ROCK2: variants seen among roughly 807,000 people sequenced by gnomAD.
The protein encoded by ROCK2 is rho-associated protein kinase 2.
Under a neutral mutation model 195.1 loss-of-function variants are expected in ROCK2, and 61 were observed. The observed-to-expected ratio is 0.31, with a 90% CI of 0.25 to 0.39. The LOEUF is 0.39. Ranked by LOEUF, ROCK2 falls within the 10% of genes least tolerant of loss-of-function variation. ROCK2 has a pLI of 1.00. For missense variants in ROCK2, 1,109 were observed against 1,637.4 expected (o/e 0.68, Z 5.57); for synonymous variants, 504 against 545.5 (o/e 0.92, Z 1.06).
chr2:11,215,254 A>G lies in ROCK2; in HGVS notation c.1689+67T>C. 3.5e-6 allele frequency: 5 copies of G among 1,420,974 alleles called. No homozygotes were observed. In the South Asian group the frequency reaches 5.4e-5, roughly 15 times the overall value. 88.0% of individuals were successfully genotyped at this position (1,420,974 alleles called of 1,614,324 possible). A position where few individuals can be genotyped will look rare whatever the true frequency, so the allele number is the denominator to read the frequency against. ...GTAAAGGCCTTTTGCAACACTGTCA[A>G]TTAAAACTAATGTTATCGCGTTAAA... On this transcript the variant is annotated intron_variant, in intron 15 of 32. Transcript: ENST00000315872.
intron 1 of ROCK2, among the ~76,000 whole-genome samples, chr2:11,342,399 GATC>G (rs773313564): frequency 2.6e-5 from 4 of 152,174 alleles, no homozygotes; most frequent in Non-Finnish European, 5.9e-5. Context: ...CAAAATGCAT[GATC>G]ATATTACATG....
At chr2:11,329,649 ATC>A (rs1668657907) in intron 1 of ROCK2, among the ~76,000 whole-genome samples, 1 of 151,862 alleles carries the variant, frequency 6.6e-6, no homozygotes, top group African/African-American at 2.4e-5. Flanking sequence ...ATGGAAAACA[ATC>A]TGTTTTCCAG....
At chr2:11,282,745 T>C (rs1667051469) in intron 3 of ROCK2, among the ~76,000 whole-genome samples, 1 of 151,978 alleles carries the variant, frequency 6.6e-6, no homozygotes, top group East Asian at 1.9e-4. Flanking sequence ...AAAGAACTGA[T>C]AACCTGAACT....
chr2:11,198,399 T>G, intron 25 of ROCK2, 92 bp downstream of exon 25: 1 of 879,734 alleles, frequency 1.1e-6, no homozygotes, highest in South Asian at 1.5e-5. Flanking sequence ...ATTCGATGAC[T>G]ACTGCTACCA....
Position 11,197,419 on chromosome 2 carries a change from A to G in ROCK2, c.3280-71T>C. On this transcript the variant is annotated intron_variant, in intron 26 of 32. Transcript: ENST00000315872. This position sits in a 1 kb window ranked among gnomAD's most constrained non-coding sequence, Gnocchi z 4.9. ...TCAACATTTTGCTTCTTGGTTCAAT[A>G]ATAATTATTAAATAGAAATGGTCTA... 6.5e-7 allele frequency: 1 copy of G among 1,531,600 alleles called. No homozygotes were observed. The highest frequency in any genetic ancestry group is 2.3e-5 in the East Asian group (1 of 44,278). 94.9% of individuals were successfully genotyped at this position (1,531,600 alleles called of 1,614,324 possible).
At chr2:11,326,931 C>T (rs1028634031) in intron 1 of ROCK2, among the ~76,000 whole-genome samples, 10 of 152,122 alleles carry the variant, frequency 6.6e-5, no homozygotes, top group Admixed American at 3.3e-4. Context: ...GGGGAGGATA[C>T]TTTCTTTCTT....
In ROCK2 at chr2:11,192,123, T is replaced by C. The variant is rs747242470; in HGVS notation, c.4163+25A>G. On this transcript the variant is annotated intron_variant, in intron 32 of 32. Coordinates refer to ENST00000315872, the MANE Select transcript of ROCK2 (RefSeq NM_004850.5). The surrounding 1 kb of genome is among the most constrained non-coding windows in gnomAD (Gnocchi z 5.0). ...AATATTTTAATAGACTTTTTTTTTT[T>C]CCTTACCACATTTTAGTTTATTACC... is the stretch of plus-strand genomic sequence containing the variant. The C allele has an allele frequency of 7.5e-6, 11 of 1,472,282 alleles. No individual in the cohort carries two copies. The highest frequency in any genetic ancestry group is 1.0e-5 in the Non-Finnish European group (11 of 1,081,824). 91.2% of individuals were successfully genotyped at this position (1,472,282 alleles called of 1,614,324 possible).
chr2:11,324,191 C>T (rs991580488), intron 1 of ROCK2, among the ~76,000 whole-genome samples: 1 of 152,214 alleles, frequency 6.6e-6, no homozygotes, highest in Non-Finnish European at 1.5e-5. Context: ...AATCCCAGCA[C>T]TTTGGGACGC....
rs1452041008 is a variant in ROCK2 at position 11,344,543 on chromosome 2, G to C, written c.-407C>G. 2.1e-6 allele frequency: 2 copies of C among 962,592 alleles called. No homozygotes were observed. Among genetic ancestry groups the C allele is most frequent in the African/African-American group, 1.8e-5 (1 of 56,224 alleles). 59.6% of individuals were successfully genotyped at this position (962,592 alleles called of 1,614,324 possible). ...CTGAAGCCCAGGCCTGGGCCACTAC[G>C]GCCGCCGCCGGCCCGCTGCCATGGT... On this transcript the variant is annotated 5_prime_UTR_variant, in exon 1 of 33. Transcript: ENST00000315872. The surrounding 1 kb of genome is among the most constrained non-coding windows in gnomAD (Gnocchi z 5.4).
intron 3 of ROCK2, among the ~76,000 whole-genome samples, chr2:11,253,225 G>T (rs906502192): frequency 2.0e-5 from 3 of 152,108 alleles, no homozygotes; most frequent in Non-Finnish European, 4.4e-5. Flanking sequence ...GGTCCTAAAT[G>T]ATCTAGCCTA....
chr2:11,198,051 A>T (rs979871963), intron 25 of ROCK2, among the ~76,000 whole-genome samples: 1 of 152,178 alleles, frequency 6.6e-6, no homozygotes, highest in African/African-American at 2.4e-5. Flanking sequence ...GAGGAAGAAC[A>T]TTTTGCAGTG....
Position 11,183,224 on chromosome 2 carries a change from C to T in ROCK2, c.*213G>A, listed in dbSNP as rs1484618941. 7 of 475,164 alleles carry T rather than the reference C, an allele frequency of 1.5e-5. No individual in the cohort carries two copies. The Admixed American group carries it at 3.0e-4, about 20-fold the overall frequency. The allele number at this position is 475,164 out of a possible 1,614,324, so 29.4% of individuals were successfully genotyped here. A position where few individuals can be genotyped will look rare whatever the true frequency, so the allele number is the denominator to read the frequency against. ...GTTGCATATATCCTTAGTCTATCAA[C>T]CAATCATTGTTGGTTCAACCTGTTG... On this transcript the variant is annotated 3_prime_UTR_variant, in exon 33 of 33. Transcript: ENST00000315872.
chr2:11,317,043 T>C (rs988360885), intron 1 of ROCK2, among the ~76,000 whole-genome samples: 1 of 152,158 alleles, frequency 6.6e-6, no homozygotes, highest in Non-Finnish European at 1.5e-5. Flanking sequence ...CTCTCATCTA[T>C]GGTATATAAC....
chr2:11,199,318 T>G (rs550900231), intron 23 of ROCK2, among the ~76,000 whole-genome samples: 1 of 151,616 alleles, frequency 6.6e-6, no homozygotes, highest in African/African-American at 2.4e-5. Flanking sequence ...TTTTTTTTTT[T>G]TCTCTCTTTT....
chr2:11,233,352 G>A (rs1383440445), intron 5 of ROCK2, among the ~76,000 whole-genome samples: 1 of 152,132 alleles, frequency 6.6e-6, no homozygotes, highest in East Asian at 1.9e-4. Context: ...TTAGAGAACT[G>A]AATAGTAAGT....
intron 1 of ROCK2, among the ~76,000 whole-genome samples, chr2:11,338,988 AAGG>A (rs1280294968): frequency 6.6e-6 from 1 of 152,034 alleles, no homozygotes; most frequent in Non-Finnish European, 1.5e-5. Context: ...AAAAGGTGTG[AAGG>A]AGATTTCTGA....
At chr2:11,319,430 T>C (rs1250303407) in intron 1 of ROCK2, among the ~76,000 whole-genome samples, 1 of 152,212 alleles carries the variant, frequency 6.6e-6, no homozygotes, top group African/African-American at 2.4e-5. Flanking sequence ...AGAATGCTTG[T>C]GACTTCTGCA....
chr2:11,344,580 G>T lies in ROCK2; in HGVS notation c.-444C>A. 1.3e-6 allele frequency: 1 copy of T among 770,302 alleles called. No individual in the cohort carries two copies. The highest frequency in any genetic ancestry group is 1.6e-6 in the Non-Finnish European group (1 of 636,374). 47.7% of individuals were successfully genotyped at this position (770,302 alleles called of 1,614,324 possible). On this transcript the variant is annotated 5_prime_UTR_variant, in exon 1 of 33. Transcript: ENST00000315872. The surrounding 1 kb of genome is among the most constrained non-coding windows in gnomAD (Gnocchi z 5.4). ...CCCGCTGCCATGGTCGCCGCCGGCC[G>T]CCTTGCAGTCCCTCAGCCAGCTCCC...
At position 11,321,385 on chromosome 2, in the gene ROCK2, C is replaced by A. The variant is rs372607069; in HGVS notation, c.141+22611G>T. ...GAGACAGGGTTTTTTGCCATGTTAG[C>A]CAGGTTGCTCTCGAACTCCTGCCCC... is the stretch of plus-strand genomic sequence containing the variant. On this transcript the variant is annotated intron_variant, in intron 1 of 32. Coordinates refer to ENST00000315872, the MANE Select transcript of ROCK2 (RefSeq NM_004850.5). 1.7e-4 allele frequency among the ~76,000 whole-genome samples: 26 copies of A among 151,612 alleles called. 1 individual carries two copies. Among genetic ancestry groups the A allele is most frequent in the African/African-American group, 6.0e-4 (25 of 41,494 alleles).
Sources: allele counts gnomAD v4.1 joint callset (sites outside exome capture counted in the v4.1 genomes callset), GRCh38; gene constraint gnomAD v4.1.1; non-coding constraint Gnocchi (gnomAD v3.1); transcripts MANE v1.5; gene names NCBI Gene and HGNC (gene_info 2026-07-23, HGNC 2026-07-21).